ITGB5: variants seen among roughly 807,000 people sequenced by gnomAD.
ITGB5 encodes the protein integrin beta-5.
A neutral mutation model predicts 84.8 loss-of-function variants in ITGB5; 38 were observed. The observed-to-expected ratio is 0.45, with a 90% CI of 0.35 to 0.59. The LOEUF is 0.59. Ranked by LOEUF, ITGB5 falls within the 20% of genes least tolerant of loss-of-function variation. The probability of loss-of-function intolerance (pLI) is 0.01; values close to 1 mark genes in which losing one functional copy is unlikely to be tolerated. For synonymous variants in ITGB5, 393 were observed against 414.4 expected, an observed-to-expected ratio of 0.95 and a Z score of 0.63; for missense variants, 905 against 1,034.5, an observed-to-expected ratio of 0.87 and a Z score of 1.72.
chr3:124,768,243 C>T (rs2063794094), intron 12 of ITGB5, among the ~76,000 whole-genome samples: 1 of 152,208 alleles, frequency 6.6e-6, no homozygotes, highest in African/African-American at 2.4e-5. Context: ...GAGCCTGAGA[C>T]ACAGATTCCC....
At chr3:124,830,554 A>C (rs1390755150) in intron 5 of ITGB5, among the ~76,000 whole-genome samples, 4 of 152,218 alleles carry the variant, frequency 2.6e-5, no homozygotes, top group African/African-American at 9.6e-5. Flanking sequence ...TAGCACCTGA[A>C]TTCTGGAAGG....
upstream of ITGB5, among the ~76,000 whole-genome samples, chr3:124,890,364 T>G (rs2107658976): frequency 6.6e-6 from 1 of 151,926 alleles, no homozygotes; most frequent in East Asian, 2.0e-4. Flanking sequence ...CCACCACACC[T>G]GGCTGATTTT....
chr3:124,763,540 T>A lies in ITGB5; in HGVS notation c.*83A>T. 1 of 808,094 alleles carries A rather than the reference T, an allele frequency of 1.2e-6. No individual in the cohort carries two copies. 50.1% of individuals were successfully genotyped at this position (808,094 alleles called of 1,614,324 possible). On this transcript the variant is annotated 3_prime_UTR_variant, in exon 15 of 15. Transcript: ENST00000296181. Reference sequence around the variant, plus strand: ...TCTGTGGTGCCTACCTAGGGAGCTGTGATCAAGCCGAGCAGCCGTGCAAGG... The same window carrying A: ...TCTGTGGTGCCTACCTAGGGAGCTGAGATCAAGCCGAGCAGCCGTGCAAGG...
At chr3:124,807,536 A>C (rs2064424784) in intron 9 of ITGB5, among the ~76,000 whole-genome samples, 1 of 152,202 alleles carries the variant, frequency 6.6e-6, no homozygotes. Context: ...TGTCTTAGAA[A>C]AGGCCTTGGT....
Position 124,886,980 on chromosome 3 carries a change from C to T in ITGB5, c.21G>A (p.Pro7=). The part of the protein sequence containing the change: MPRAPA[P]LYACLLGLCA... ...AGAGCCCCAGGAGGCAGGCGTACAG[C>T]GGCGCCGGGGCCCGCGGCATGGTGG... is the stretch of plus-strand genomic sequence containing the variant. Residue 7 remains proline, a synonymous_variant, in exon 1 of 15, where the codon CCG becomes CCA. Coordinates refer to ENST00000296181, the MANE Select transcript of ITGB5 (RefSeq NM_002213.5). 6 of 1,198,434 alleles carry T rather than the reference C, an allele frequency of 5.0e-6. No homozygotes were observed. The African/African-American group carries it at 6.4e-5, about 13-fold the overall frequency. 74.2% of individuals were successfully genotyped at this position (1,198,434 alleles called of 1,614,324 possible).
At chr3:124,882,148 T>C (rs1031306981) in intron 1 of ITGB5, among the ~76,000 whole-genome samples, 1 of 152,188 alleles carries the variant, frequency 6.6e-6, no homozygotes, top group African/African-American at 2.4e-5. Context: ...CCATTATTCA[T>C]TCAACAAATA....
chr3:124,787,781 G>A (rs62265638), intron 10 of ITGB5: 1 of 152,206 alleles, frequency 6.6e-6, no homozygotes, highest in Admixed American at 6.5e-5. Flanking sequence ...CTCCAGAGAT[G>A]AGCAGCCCAG....
chr3:124,824,740 A>T (rs2064757925), intron 5 of ITGB5, among the ~76,000 whole-genome samples: 1 of 152,244 alleles, frequency 6.6e-6, no homozygotes, highest in East Asian at 1.9e-4. Context: ...TTGCACAGAC[A>T]ATTCACCAAA....
chr3:124,841,688 C>G lies in ITGB5; in HGVS notation c.612-137G>C, dbSNP rs979401732. On this transcript the variant is annotated intron_variant, in intron 4 of 14. Coordinates refer to ENST00000296181, the MANE Select transcript of ITGB5 (RefSeq NM_002213.5). ...CACCTACCACATGCCCCAGGACAGG[C>G]ACAGCAGAGAGAGCAAAGATAAATA... 1.2e-5 allele frequency: 9 copies of G among 738,770 alleles called. No homozygotes were observed. In the African/African-American group the frequency reaches 1.4e-4, roughly 12 times the overall value. The allele number at this position is 738,770 out of a possible 1,614,324, so 45.8% of individuals were successfully genotyped here. A position where few individuals can be genotyped will look rare whatever the true frequency, so the allele number is the denominator to read the frequency against.
intron 13 of ITGB5, 98 bp downstream of exon 13, chr3:124,766,128 G>A (rs1251091851): frequency 1.6e-6 from 2 of 1,236,268 alleles, no homozygotes; most frequent in Non-Finnish European, 1.1e-6. Context: ...AAAGGCCGAT[G>A]AGGACAGAAA....
intron 8 of ITGB5, among the ~76,000 whole-genome samples, chr3:124,812,708 T>G (rs2064524073): frequency 6.6e-6 from 1 of 152,192 alleles, no homozygotes. Flanking sequence ...AGTGAAGAAT[T>G]TGGCACAGCA....
At position 124,768,997 on chromosome 3, in the gene ITGB5, G is replaced by GT. The variant is rs748560267; in HGVS notation, c.2017+15dup. The GT allele has an allele frequency of 3.6e-5, 58 of 1,594,704 alleles. No homozygotes were observed. In the African/African-American group the frequency reaches 7.2e-4, roughly 20 times the overall value. ...GAGAAAAACCGTGACTGCCCGGGTG[G>GT]TGGCAGCACACTCACCGATGGTGTC... On this transcript the variant is annotated intron_variant, in intron 12 of 14. Coordinates refer to ENST00000296181, the MANE Select transcript of ITGB5 (RefSeq NM_002213.5).
chr3:124,833,641 G>A (rs773115448), intron 5 of ITGB5, among the ~76,000 whole-genome samples: 74 of 152,284 alleles, frequency 4.9e-4, no homozygotes, highest in Admixed American at 1.0e-3. Context: ...CTGGTGGATG[G>A]GAGGGTGGAA....
rs1425924441 is a variant in ITGB5 at position 124,791,441 on chromosome 3, CAT to C, written c.1693+4945_1693+4946del. 3.9e-5 allele frequency: 6 copies of C among 152,226 alleles called. No homozygotes were observed. In the East Asian group the frequency reaches 1.2e-3, roughly 29 times the overall value. The allele number at this position is 152,226 out of a possible 1,614,324, so 9.4% of individuals were successfully genotyped here. A position where few individuals can be genotyped will look rare whatever the true frequency, so the allele number is the denominator to read the frequency against. ...CACTGCTCATTTTGATGATGGATAA[CAT>C]ATTGCAAACCTGTAATGTCTTGCGC... On this transcript the variant is annotated intron_variant, in intron 10 of 14. Coordinates refer to ENST00000296181, the MANE Select transcript of ITGB5 (RefSeq NM_002213.5).
intron 9 of ITGB5, among the ~76,000 whole-genome samples, chr3:124,806,219 C>G (rs145404349): frequency 7.9e-5 from 12 of 152,292 alleles, no homozygotes; most frequent in African/African-American, 2.2e-4. Context: ...TTCCTGAAAC[C>G]TGGCGTATGC....
At position 124,766,235 on chromosome 3, in the gene ITGB5, T is replaced by C; in HGVS notation, c.2128A>G (p.Arg710Gly). 1 of 1,613,840 alleles carries C rather than the reference T, an allele frequency of 6.2e-7. No individual in the cohort carries two copies. Among genetic ancestry groups the C allele is most frequent in the Non-Finnish European group, 8.5e-7 (1 of 1,179,890 alleles). ...PSGKSNLTVL[R>G]EPECGNTPNA... ...TGCAGCCCTCACCTACCTGGCTCCC[T>C]GAGGACGGTCAGGTTGGACTTCCCA... is the stretch of plus-strand genomic sequence containing the variant. Residue 710 changes from arginine to glycine, a missense_variant, in exon 13 of 15, where the codon AGG (arginine) becomes GGG (glycine). Transcript: ENST00000296181.
chr3:124,853,903 AT>A (rs1391697914), intron 3 of ITGB5, among the ~76,000 whole-genome samples: 2 of 152,318 alleles, frequency 1.3e-5, no homozygotes, highest in Non-Finnish European at 1.5e-5. Flanking sequence ...ATCAAGGGTC[AT>A]TTTTTAAGAG....
intron 8 of ITGB5, among the ~76,000 whole-genome samples, chr3:124,810,932 C>T (rs1464210853): frequency 6.6e-6 from 1 of 152,020 alleles, no homozygotes; most frequent in Admixed American, 6.6e-5. Flanking sequence ...TTCTTTCTTT[C>T]TTTCTCTTTT....
chr3:124,835,607 C>A (rs988379026), intron 5 of ITGB5, among the ~76,000 whole-genome samples: 3 of 152,236 alleles, frequency 2.0e-5, no homozygotes, highest in Non-Finnish European at 4.4e-5. Context: ...AGACAGACAA[C>A]GCAGACAGCT....
Sources: allele counts gnomAD v4.1 joint callset (sites outside exome capture counted in the v4.1 genomes callset), GRCh38; gene constraint gnomAD v4.1.1; transcripts MANE v1.5; gene names NCBI Gene and HGNC (gene_info 2026-07-23, HGNC 2026-07-21).